Variants in RFC3 observed in about 807,000 individuals in gnomAD.
RFC3 encodes the protein A1 38 kDa subunit.
In RFC3, 41 loss-of-function variants were observed where a neutral mutation model predicts 45.1. That is an observed-to-expected ratio of 0.91 (90% CI 0.71 to 1.18). The LOEUF (loss-of-function observed/expected upper bound fraction) is 1.18, where lower values mean the gene tolerates loss of function less well. Among genes scored for constraint, RFC3 ranks in the 50% most tolerant of loss-of-function variants. RFC3 has a pLI of 0.00. For missense variants in RFC3, 423 were observed against 428.1 expected (o/e 0.99, Z 0.10); for synonymous variants, 149 against 144.0 (o/e 1.03, Z -0.25).
At chr13:33,941,432 T>G (rs2082923406) in intron 8 of RFC3, among the ~76,000 whole-genome samples, 1 of 152,168 alleles carries the variant, frequency 6.6e-6, no homozygotes, top group Non-Finnish European at 1.5e-5. Context: ...AGTAATTATT[T>G]TAGGAAAGTC....
chr13:33,833,172 T>C (rs900452346), intron 7 of RFC3, among the ~76,000 whole-genome samples: 3 of 152,300 alleles, frequency 2.0e-5, no homozygotes, highest in South Asian at 2.1e-4. Flanking sequence ...CAATTCCAAA[T>C]GATTACTTCT....
intron 8 of RFC3, among the ~76,000 whole-genome samples, chr13:33,903,767 G>T (rs2082655676): frequency 6.6e-6 from 1 of 152,010 alleles, no homozygotes; most frequent in South Asian, 2.1e-4. Context: ...ATGGGAAATG[G>T]TTTGGGGTCT....
intron 8 of RFC3, among the ~76,000 whole-genome samples, chr13:33,934,584 G>T (rs144316084): frequency 6.6e-6 from 1 of 152,124 alleles, no homozygotes; most frequent in Non-Finnish European, 1.5e-5. Flanking sequence ...TCTATAGCTG[G>T]TGTCCCAGAT....
At chr13:33,838,207 C>T (rs1484795824), downstream of RFC3, among the ~76,000 whole-genome samples, 1 of 152,086 alleles carries the variant, frequency 6.6e-6, no homozygotes, top group Non-Finnish European at 1.5e-5. Flanking sequence ...AGTTGCTTCT[C>T]TGTCTTTTGG....
intron 7 of RFC3, among the ~76,000 whole-genome samples, chr13:33,831,812 T>G (rs3135608): frequency 6.6e-6 from 1 of 152,172 alleles, no homozygotes; most frequent in East Asian, 1.9e-4. Context: ...TCAGGTAACT[T>G]CATTTTAGAG....
intron 8 of RFC3, among the ~76,000 whole-genome samples, chr13:33,884,014 G>A (rs1176357698): frequency 6.6e-6 from 1 of 152,086 alleles, no homozygotes; most frequent in Non-Finnish European, 1.5e-5. Flanking sequence ...AATAATCTCT[G>A]AATATTCAGA....
intron 8 of RFC3, among the ~76,000 whole-genome samples, chr13:33,912,388 A>G (rs912606493): frequency 6.6e-6 from 1 of 152,064 alleles, no homozygotes; most frequent in African/African-American, 2.4e-5. Flanking sequence ...ATGTCCTAAG[A>G]TGGACATTTA....
At chr13:33,907,700 C>A (rs541143216) in intron 8 of RFC3, among the ~76,000 whole-genome samples, 31 of 152,046 alleles carry the variant, frequency 2.0e-4, no homozygotes, top group Non-Finnish European at 1.5e-5. Flanking sequence ...GCTTTAATAC[C>A]ATTTGGCTGT....
chr13:33,839,093 A>G (rs1211445471), downstream of RFC3, among the ~76,000 whole-genome samples: 2 of 152,150 alleles, frequency 1.3e-5, no homozygotes, highest in African/African-American at 4.8e-5. Context: ...CAACTGAACT[A>G]CATGTGGAAT....
At chr13:33,895,679 C>T (rs534956960) in intron 8 of RFC3, among the ~76,000 whole-genome samples, 1 of 152,054 alleles carries the variant, frequency 6.6e-6, no homozygotes, top group South Asian at 2.1e-4. Flanking sequence ...GGGAAAAAGT[C>T]GTTATATCAT....
intron 8 of RFC3, among the ~76,000 whole-genome samples, chr13:33,869,169 C>T (rs2082391910): frequency 1.3e-5 from 2 of 152,176 alleles, no homozygotes; most frequent in African/African-American, 4.8e-5. Flanking sequence ...CTGGTCCTGC[C>T]CATTTTCTCA....
chr13:33,967,638 C>A (rs1399868952), downstream of RFC3, among the ~76,000 whole-genome samples: 1 of 151,814 alleles, frequency 6.6e-6, no homozygotes, highest in African/African-American at 2.4e-5. Flanking sequence ...CAGGCACACA[C>A]CACCACGCCC....
chr13:33,844,483 C>T (rs952750563), intron 8 of RFC3, among the ~76,000 whole-genome samples: 7 of 151,954 alleles, frequency 4.6e-5, no homozygotes, highest in Non-Finnish European at 8.8e-5. Flanking sequence ...TTCTTGCTTG[C>T]CTGCTTACGT....
At chr13:33,819,427 C>T (rs2081981323) in intron 1 of RFC3, among the ~76,000 whole-genome samples, 1 of 152,028 alleles carries the variant, frequency 6.6e-6, no homozygotes. Context: ...TGCCCAATAC[C>T]CTGGTTTTCC....
At chr13:33,857,097 T>C (rs546226420) in intron 8 of RFC3, among the ~76,000 whole-genome samples, 26 of 152,374 alleles carry the variant, frequency 1.7e-4, no homozygotes, top group African/African-American at 5.5e-4. Context: ...GTCTTTGAAC[T>C]TAAACTTGTA....
rs189699935 is a variant in RFC3, at chr13:33,949,605, G to A, written c.880-16482G>A. Among the ~76,000 whole-genome samples, 215 of 152,324 alleles carry A rather than the reference G, an allele frequency of 1.4e-3. 2 individuals are homozygous for A. Among genetic ancestry groups the A allele is most frequent in the African/African-American group, 4.8e-3 (200 of 41,556 alleles). On this transcript the variant is annotated intron_variant, in intron 8 of 8. Transcript: ENST00000434425. ...TGACATGATTGTACTGTGGTGTGCA[G>A]TAGAAGTCCTTTAGGTGCACGTGAT...
At chr13:33,945,854 G>A (rs966743519) in intron 8 of RFC3, among the ~76,000 whole-genome samples, 3 of 152,176 alleles carry the variant, frequency 2.0e-5, no homozygotes, top group African/African-American at 7.2e-5. Flanking sequence ...CACCACATTT[G>A]TATCCCTTTC....
At chr13:33,899,305 T>A (rs941108755) in intron 8 of RFC3, among the ~76,000 whole-genome samples, 1 of 149,996 alleles carries the variant, frequency 6.7e-6, no homozygotes, top group African/African-American at 2.5e-5. Flanking sequence ...GCAAACTGAA[T>A]TCAGCAATAC....
At chr13:33,834,259 A>G (rs2082129433) in intron 7 of RFC3, among the ~76,000 whole-genome samples, 1 of 139,072 alleles carries the variant, frequency 7.2e-6, no homozygotes, top group Non-Finnish European at 1.5e-5. Context: ...ATAAATCACT[A>G]CCTGGATTTA....
Sources: gnomAD v4.1 joint callset for allele counts (sites outside exome capture counted in the v4.1 genomes callset) on GRCh38, gnomAD v4.1.1 for gene constraint, MANE v1.5 for transcripts, NCBI Gene and HGNC (gene_info 2026-07-23, HGNC 2026-07-21) for gene names.